The following PRR16 variants were observed in gnomAD, a reference collection of about 807,000 sequenced individuals.
The protein encoded by PRR16 is proline rich 16.
PRR16 carries 6 observed loss-of-function variants against 18.2 expected under a neutral mutation model. That is an observed-to-expected ratio of 0.33 (90% CI 0.18 to 0.65). The LOEUF is 0.65. Ranked by LOEUF, PRR16 falls within the 30% of genes least tolerant of loss-of-function variation. PRR16 has a pLI of 0.74. For synonymous variants in PRR16, 151 were observed against 147.8 expected, an observed-to-expected ratio of 1.02 and a Z score of -0.16; for missense variants, 412 against 376.6, an observed-to-expected ratio of 1.09 and a Z score of -0.78.
At chr5:120,784,767 C>T in the PRR16 span, among the ~76,000 whole-genome samples, 19 of 152,232 alleles carry the variant, frequency 1.2e-4, no homozygotes, top group African/African-American at 3.6e-4. Flanking sequence ...TATTATAGCA[C>T]GTTTTACATT....
At chr5:120,500,721 T>G (rs767707165) in intron 1 of PRR16, among the ~76,000 whole-genome samples, 9 of 152,178 alleles carry the variant, frequency 5.9e-5, no homozygotes, top group Non-Finnish European at 1.3e-4. Context: ...TGATATCCTG[T>G]CAGTATCACT....
intron 1 of PRR16, among the ~76,000 whole-genome samples, chr5:120,596,975 C>T (rs775162029): frequency 7.3e-5 from 11 of 151,608 alleles, no homozygotes; most frequent in Non-Finnish European, 1.0e-4. Context: ...TATACATATA[C>T]AAAAATTTAT....
At chr5:120,484,038 T>C (rs1232929841) in intron 1 of PRR16, among the ~76,000 whole-genome samples, 1 of 151,942 alleles carries the variant, frequency 6.6e-6, no homozygotes, top group Non-Finnish European at 1.5e-5. Context: ...ATTTGCATAC[T>C]GTCAGAGGTA....
At chr5:120,746,086 G>C in the PRR16 span, among the ~76,000 whole-genome samples, 51 of 151,918 alleles carry the variant, frequency 3.4e-4, 1 homozygote, top group South Asian at 8.9e-3. Flanking sequence ...GTCATCTTTA[G>C]AGGCTTGTAT....
Position 120,615,605 on chromosome 5 carries a change from GT to G in PRR16, c.160-70344del, listed in dbSNP as rs1321526154. Among the ~76,000 whole-genome samples, 13 of 151,918 alleles carry G rather than the reference GT, an allele frequency of 8.6e-5. No homozygotes were observed. The East Asian group carries it at 2.5e-3, about 29-fold the overall frequency. On this transcript the variant is annotated intron_variant, in intron 1 of 1. Transcript: ENST00000407149. ...TGAAATATGATTAGAAAATTTGACA[GT>G]TTTTGTTTTTGATTGTTGGTCTTGT...
At chr5:120,787,731 G>C in the PRR16 span, among the ~76,000 whole-genome samples, 1 of 152,092 alleles carries the variant, frequency 6.6e-6, no homozygotes, top group African/African-American at 2.4e-5. Context: ...TTCAGCCGGT[G>C]TCTTCGCCAT....
the PRR16 span, among the ~76,000 whole-genome samples, chr5:120,715,078 C>T: frequency 6.6e-6 from 1 of 151,786 alleles, no homozygotes; most frequent in African/African-American, 2.4e-5. Flanking sequence ...AACAAAACTG[C>T]ACATTCTGCA....
the PRR16 span, among the ~76,000 whole-genome samples, chr5:120,791,078 C>T: frequency 1.5e-4 from 23 of 152,140 alleles, 1 homozygote; most frequent in Admixed American, 1.2e-3. Context: ...ATTAAAAAGT[C>T]ATTTGTAATT....
chr5:120,699,104 C>A, the PRR16 span, among the ~76,000 whole-genome samples: 15 of 151,926 alleles, frequency 9.9e-5, no homozygotes, highest in Non-Finnish European at 1.9e-4. Context: ...AGCTAATCTG[C>A]CAGTCCTGGG....
chr5:120,588,321 G>A (rs1242001973), intron 1 of PRR16, among the ~76,000 whole-genome samples: 1 of 152,178 alleles, frequency 6.6e-6, no homozygotes, highest in African/African-American at 2.4e-5. Context: ...ATTCTACTGT[G>A]TGTAAAATGC....
chr5:120,481,876 A>C (rs1313225671), intron 1 of PRR16, among the ~76,000 whole-genome samples: 1 of 152,150 alleles, frequency 6.6e-6, no homozygotes, highest in Non-Finnish European at 1.5e-5. Flanking sequence ...TACACGAGAG[A>C]ACCAAGAAGT....
At chr5:120,674,246 C>G (rs1756717418) in intron 1 of PRR16, among the ~76,000 whole-genome samples, 1 of 152,068 alleles carries the variant, frequency 6.6e-6, no homozygotes, top group Non-Finnish European at 1.5e-5. Context: ...GCTGTTGTCT[C>G]TGCCCCCCTG....
chr5:120,549,115 T>G (rs1359725466), intron 1 of PRR16, among the ~76,000 whole-genome samples: 1 of 152,002 alleles, frequency 6.6e-6, no homozygotes. Context: ...TTTTATTGAT[T>G]GATTGATTGA....
chr5:120,577,807 T>C (rs1561554804), intron 1 of PRR16, among the ~76,000 whole-genome samples: 2 of 152,208 alleles, frequency 1.3e-5, no homozygotes, highest in South Asian at 2.1e-4. Flanking sequence ...GATTATTCAT[T>C]TAATTTTCCC....
intron 1 of PRR16, among the ~76,000 whole-genome samples, chr5:120,508,236 C>T (rs369175522): frequency 8.5e-5 from 13 of 152,126 alleles, no homozygotes; most frequent in Middle Eastern, 3.4e-3. Context: ...AAGATGAGGA[C>T]GAAAACTATA....
At chr5:120,534,590 T>G (rs1312269002) in intron 1 of PRR16, among the ~76,000 whole-genome samples, 1 of 152,198 alleles carries the variant, frequency 6.6e-6, no homozygotes, top group Non-Finnish European at 1.5e-5. Context: ...CTATCTGTAC[T>G]TAGAAATGTA....
chr5:120,732,855 A>G, the PRR16 span, among the ~76,000 whole-genome samples: 3 of 152,196 alleles, frequency 2.0e-5, no homozygotes, highest in East Asian at 1.9e-4. Context: ...AGGAATGAAT[A>G]AATGAGTTTT....
At chr5:120,477,882 T>G (rs1009940449) in intron 1 of PRR16, among the ~76,000 whole-genome samples, 51 of 152,324 alleles carry the variant, frequency 3.3e-4, no homozygotes, top group African/African-American at 1.2e-3. Flanking sequence ...AACGCTTACC[T>G]CACTCAAACT....
In PRR16 at chr5:120,611,173, C is replaced by G. The variant is rs539790018; in HGVS notation, c.160-74781C>G. On this transcript the variant is annotated intron_variant, in intron 1 of 1. Coordinates refer to ENST00000407149, the MANE Select transcript of PRR16 (RefSeq NM_001300783.2). Reference sequence around the variant, plus strand: ...TCTGGCAGAAGAAATTTCTAAGAAGCAAAGTGTGCAAGTGGTGACTTGGGT... The same window carrying G: ...TCTGGCAGAAGAAATTTCTAAGAAGGAAAGTGTGCAAGTGGTGACTTGGGT... Among the ~76,000 whole-genome samples the G allele has an allele frequency of 2.6e-5, 4 of 152,248 alleles. No individual in the cohort carries two copies. The South Asian group carries it at 8.3e-4, about 32-fold the overall frequency.
Sources: allele counts gnomAD v4.1 joint callset (sites outside exome capture counted in the v4.1 genomes callset), GRCh38; gene constraint gnomAD v4.1.1; transcripts MANE v1.5; gene names NCBI Gene and HGNC (gene_info 2026-07-23, HGNC 2026-07-21).